The following MYH15 variants were observed in gnomAD, a reference collection of about 807,000 sequenced individuals.
MYH15 encodes myosin-15.
A neutral mutation model predicts 240.5 loss-of-function variants in MYH15; 227 were observed. The ratio of observed to expected loss-of-function variants is 0.94; its 90% confidence interval spans 0.85 to 1.05. The LOEUF (loss-of-function observed/expected upper bound fraction) is 1.05. MYH15 is among the 50% of genes least tolerant of loss of function. The pLI is 0.00. For synonymous variants in MYH15, 785 were observed against 796.7 expected (o/e 0.99, Z 0.25); for missense variants, 2,217 against 2,247.5 (o/e 0.99, Z 0.27).
chr3:108,381,344 C>T lies in MYH15; in HGVS notation c.*201G>A. ...GAAGCATTAGAAGGTAGTTTACTTG[C>T]ATTTGAGGATCAAAAAATCCCCATT... is the stretch of plus-strand genomic sequence containing the variant. On this transcript the variant is annotated 3_prime_UTR_variant, in exon 41 of 41. Coordinates refer to ENST00000693548, the MANE Select transcript of MYH15 (RefSeq NM_014981.3). 1.6e-6 allele frequency: 1 copy of T among 619,352 alleles called. No individual in the cohort carries two copies. 38.4% of individuals were successfully genotyped at this position (619,352 alleles called of 1,614,324 possible).
chr3:108,544,104 C>T, the MYH15 span, among the ~76,000 whole-genome samples: 19,092 of 152,186 alleles, frequency 0.13, 1,661 homozygotes, highest in East Asian at 0.52. Context: ...CTAAAAGAAG[C>T]CACTGATTTT....
At chr3:108,434,030 C>T (rs1468149240) in intron 25 of MYH15, among the ~76,000 whole-genome samples, 2 of 151,626 alleles carry the variant, frequency 1.3e-5, no homozygotes, top group African/African-American at 4.8e-5. Flanking sequence ...CATACATTTG[C>T]ATGTATAGAT....
At chr3:108,523,061 A>G (rs897732156) in intron 1 of MYH15, among the ~76,000 whole-genome samples, 1 of 152,086 alleles carries the variant, frequency 6.6e-6, no homozygotes, top group African/African-American at 2.4e-5. Context: ...TGATAGTTTC[A>G]TACTTGTTAC....
At chr3:108,503,319 C>CT (rs2083452158) in intron 2 of MYH15, among the ~76,000 whole-genome samples, 1 of 152,120 alleles carries the variant, frequency 6.6e-6, no homozygotes, top group South Asian at 2.1e-4. Flanking sequence ...AGCCTCACAT[C>CT]TGGAGGCCTA....
chr3:108,503,539 T>C (rs769049182), intron 2 of MYH15, among the ~76,000 whole-genome samples: 2 of 152,088 alleles, frequency 1.3e-5, no homozygotes, highest in East Asian at 3.8e-4. Context: ...AAATGGCCAA[T>C]ATGTACATGA....
chr3:108,491,987 T>A (rs2083351781), intron 9 of MYH15, among the ~76,000 whole-genome samples: 1 of 152,048 alleles, frequency 6.6e-6, no homozygotes, highest in African/African-American at 2.4e-5. Flanking sequence ...ACACTTGTAA[T>A]CCCAGCACTT....
intron 12 of MYH15, among the ~76,000 whole-genome samples, chr3:108,471,679 T>C (rs1303573716): frequency 6.6e-6 from 1 of 152,130 alleles, no homozygotes; most frequent in African/African-American, 2.4e-5. Flanking sequence ...ATCCCCTCCT[T>C]CTGGTCTTGG....
intron 12 of MYH15, among the ~76,000 whole-genome samples, chr3:108,474,071 G>C (rs1311644624): frequency 1.3e-5 from 2 of 152,202 alleles, no homozygotes; most frequent in African/African-American, 2.4e-5. Flanking sequence ...AGGTATCAGA[G>C]TTAGTTAGCA....
chr3:108,470,307 T>A, intron 13 of MYH15, 95 bp from the exon 14 acceptor site: 1 of 885,016 alleles, frequency 1.1e-6, no homozygotes, highest in East Asian at 2.6e-5. Flanking sequence ...TAACCATTAT[T>A]ATATGATCAG....
intron 18 of MYH15, among the ~76,000 whole-genome samples, chr3:108,457,467 G>A (rs1055975265): frequency 2.0e-5 from 3 of 151,928 alleles, no homozygotes; most frequent in Admixed American, 6.6e-5. Context: ...TCACCTTCTC[G>A]TTCATCAAAA....
chr3:108,455,170 A>G (rs1206455443), intron 20 of MYH15, among the ~76,000 whole-genome samples: 1 of 152,224 alleles, frequency 6.6e-6, no homozygotes, highest in Non-Finnish European at 1.5e-5. Context: ...TGACTGCCAG[A>G]TAACACCAAA....
chr3:108,516,280 A>G (rs1365571031), intron 1 of MYH15, among the ~76,000 whole-genome samples: 1 of 152,208 alleles, frequency 6.6e-6, no homozygotes, highest in African/African-American at 2.4e-5. Flanking sequence ...TGATGCAAGT[A>G]ATAAGAACAA....
At chr3:108,461,920 C>T (rs1177769575) in intron 16 of MYH15, 1 of 152,132 alleles carries the variant, frequency 6.6e-6, no homozygotes, top group African/African-American at 2.4e-5. Context: ...AAGATAACAG[C>T]AGGGTATGTT....
chr3:108,389,363 A>C, intron 37 of MYH15, among the ~76,000 whole-genome samples: 1 of 152,220 alleles, frequency 6.6e-6, no homozygotes, highest in East Asian at 1.9e-4. Context: ...GTATGTATGA[A>C]TGTATATGTA....
Position 108,388,983 on chromosome 3 carries a change from T to A in MYH15, c.5522A>T (p.Glu1841Val). The A allele has an allele frequency of 6.2e-7, 1 of 1,613,596 alleles. No homozygotes were observed. The highest frequency in any genetic ancestry group is 8.5e-7 in the Non-Finnish European group (1 of 1,179,724). Reference protein sequence around the residue: ...GARRLERCIKELTYQAEEDKK... With the variant: ...GARRLERCIKVLTYQAEEDKK... ...TTCCTGGAGTACCTGATAGGTCAGC[T>A]CTTTGATGCATCGCTCAAGTCTGCG... Residue 1841 changes from glutamate to valine, a missense_variant, in exon 38 of 41, where the codon GAG (glutamate) becomes GTG (valine). Glu to Val is a moderately radical substitution (Grantham distance 121). Transcript: ENST00000693548.
Position 108,498,124 on chromosome 3 carries a change from C to A in MYH15, c.546G>T (p.Lys182Asn), listed in dbSNP as rs757788759. Residue 182 changes from lysine (K) to asparagine (N), a missense_variant, in exon 6 of 41, where the codon AAG (lysine) becomes AAT (asparagine). Transcript: ENST00000693548. ...ILFTGESGAGKTVNSKHIIQY... is the reference protein window; with the variant it reads ...ILFTGESGAGNTVNSKHIIQY... ...GGATAATATGTTTGCTGTTCACAGT[C>A]TTTCCAGCACCAGATTCTCCTCTGT... 2 of 1,613,938 alleles carry A rather than the reference C, an allele frequency of 1.2e-6. No individual in the cohort carries two copies.
At chr3:108,539,455 T>C in the MYH15 span, among the ~76,000 whole-genome samples, 1 of 152,124 alleles carries the variant, frequency 6.6e-6, no homozygotes, top group East Asian at 1.9e-4. Flanking sequence ...CTTCACAATA[T>C]TTTAAATAAA....
intron 39 of MYH15, 140 bp downstream of exon 39, chr3:108,384,546 GA>G (rs1354614673): frequency 1.3e-5 from 9 of 717,460 alleles, no homozygotes; most frequent in Admixed American, 3.0e-5. Flanking sequence ...TCTAACTTGA[GA>G]AAAAAAACTG....
At chr3:108,408,189 C>T (rs546399933) in intron 32 of MYH15, 91 bp downstream of exon 32, 30 of 1,377,994 alleles carry the variant, frequency 2.2e-5, no homozygotes, top group Admixed American at 8.9e-5. Flanking sequence ...CATTTGAATA[C>T]GTGTCCTTTT....
Sources: gnomAD v4.1 joint callset for allele counts (sites outside exome capture counted in the v4.1 genomes callset) on GRCh38, gnomAD v4.1.1 for gene constraint, MANE v1.5 for transcripts, NCBI Gene and HGNC (gene_info 2026-07-23, HGNC 2026-07-21) for gene names.